Variants in FHIT observed in about 807,000 individuals in gnomAD.
FHIT encodes the protein fragile histidine triad diadenosine triphosphatase.
Under a neutral mutation model 17.9 loss-of-function variants are expected in FHIT, and 19 were observed. That is an observed-to-expected ratio of 1.06 (90% CI 0.74 to 1.56). The LOEUF is 1.56. FHIT is among the 40% of genes most tolerant of loss of function. FHIT has a pLI of 0.00. For missense variants in FHIT, 248 were observed against 189.2 expected, an observed-to-expected ratio of 1.31 and a Z score of -1.82; for synonymous variants, 81 against 69.7, an observed-to-expected ratio of 1.16 and a Z score of -0.81.
chr3:60,014,914 G>GA (rs554169887), intron 5 of FHIT, among the ~76,000 whole-genome samples: 3 of 151,864 alleles, frequency 2.0e-5, no homozygotes, highest in Non-Finnish European at 2.9e-5. Context: ...TAAGATCTGA[G>GA]AAAAAAGGAT....
At chr3:59,806,644 A>G (rs945088311) in intron 8 of FHIT, among the ~76,000 whole-genome samples, 6 of 148,972 alleles carry the variant, frequency 4.0e-5, no homozygotes, top group Non-Finnish European at 8.9e-5. Flanking sequence ...TTATATATAT[A>G]TATACATATA....
intron 5 of FHIT, among the ~76,000 whole-genome samples, chr3:60,121,630 G>A (rs953608531): frequency 1.3e-5 from 2 of 151,960 alleles, no homozygotes; most frequent in Non-Finnish European, 2.9e-5. Context: ...GTGGCAGTGA[G>A]CTGAGATCAT....
chr3:60,206,293 A>G (rs1246743918), intron 5 of FHIT, among the ~76,000 whole-genome samples: 1 of 152,026 alleles, frequency 6.6e-6, no homozygotes, highest in Non-Finnish European at 1.5e-5. Flanking sequence ...CTCTTCTAAG[A>G]TCCAGTACTT....
chr3:60,018,333 T>G (rs1448402872), intron 5 of FHIT, among the ~76,000 whole-genome samples: 5 of 152,152 alleles, frequency 3.3e-5, no homozygotes, highest in Non-Finnish European at 7.4e-5. Context: ...CACTTCCCAT[T>G]AGACCCTACC....
intron 2 of FHIT, among the ~76,000 whole-genome samples, chr3:61,047,932 C>T (rs1183806600): frequency 6.8e-6 from 1 of 147,384 alleles, no homozygotes; most frequent in African/African-American, 2.5e-5. Flanking sequence ...ATGTAGAAAG[C>T]TGAAACTGGA....
At chr3:61,054,357 A>C (rs933390745) in intron 2 of FHIT, among the ~76,000 whole-genome samples, 1 of 110,136 alleles carries the variant, frequency 9.1e-6, no homozygotes, top group South Asian at 3.1e-4. Context: ...GTAACAAATT[A>C]TCTCTTTTTT....
At chr3:61,127,742 G>C (rs1353058790) in intron 2 of FHIT, among the ~76,000 whole-genome samples, 1 of 151,848 alleles carries the variant, frequency 6.6e-6, no homozygotes, top group Non-Finnish European at 1.5e-5. Flanking sequence ...TACAGGGTGT[G>C]GCCTGTAATC....
intron 4 of FHIT, among the ~76,000 whole-genome samples, chr3:60,753,429 G>A (rs797024501): frequency 9.9e-5 from 15 of 152,178 alleles, no homozygotes; most frequent in African/African-American, 2.6e-4. Context: ...AGCAGAGGGC[G>A]GATCCACTCA....
chr3:60,850,323 T>TTCTCTCTCTCTCTC (rs3046704), intron 3 of FHIT, among the ~76,000 whole-genome samples: 34 of 120,242 alleles, frequency 2.8e-4, no homozygotes, highest in South Asian at 6.9e-4. Context: ...GTGTCTGCAC[T>TTCTCTCTCTCTCTC]TCTCTCTCTC....
intron 5 of FHIT, among the ~76,000 whole-genome samples, chr3:60,192,877 T>C (rs764733322): frequency 3.1e-4 from 47 of 152,330 alleles, no homozygotes; most frequent in Middle Eastern, 3.4e-3. Flanking sequence ...TTATAGGTTA[T>C]ATGAACTTCA....
chr3:60,593,228 T>G (rs533764633), intron 4 of FHIT, among the ~76,000 whole-genome samples: 11 of 152,280 alleles, frequency 7.2e-5, no homozygotes, highest in African/African-American at 2.6e-4. Flanking sequence ...CATACAAGAC[T>G]GCTTTTGATA....
At chr3:60,528,002 CT>C (rs2035637657) in intron 5 of FHIT, among the ~76,000 whole-genome samples, 1 of 152,248 alleles carries the variant, frequency 6.6e-6, no homozygotes. Context: ...CAGAAAGGTT[CT>C]TGCTCTGCAG....
intron 5 of FHIT, among the ~76,000 whole-genome samples, chr3:60,108,137 C>T (rs553101991): frequency 4.6e-5 from 7 of 152,198 alleles, no homozygotes; most frequent in Admixed American, 1.3e-4. Context: ...TGACTTTGAC[C>T]GTATGTGTCA....
chr3:61,171,760 T>C (rs1479846951), intron 2 of FHIT, among the ~76,000 whole-genome samples: 2 of 152,176 alleles, frequency 1.3e-5, no homozygotes, highest in Non-Finnish European at 2.9e-5. Context: ...AACCCAGCAA[T>C]CTGGGCATCA....
At chr3:59,963,701 G>A (rs973097652) in intron 7 of FHIT, among the ~76,000 whole-genome samples, 1 of 152,210 alleles carries the variant, frequency 6.6e-6, no homozygotes, top group Non-Finnish European at 1.5e-5. Context: ...TTCAGTGACT[G>A]AGTGGTGGAA....
At chr3:60,036,932 A>T (rs1245753379) in intron 5 of FHIT, among the ~76,000 whole-genome samples, 1 of 152,210 alleles carries the variant, frequency 6.6e-6, no homozygotes, top group African/African-American at 2.4e-5. Context: ...AGTCTTCACC[A>T]CTACTTCCTC....
At chr3:60,738,844 G>A (rs2042185667) in intron 4 of FHIT, among the ~76,000 whole-genome samples, 8 of 152,210 alleles carry the variant, frequency 5.3e-5, no homozygotes, top group Admixed American at 5.2e-4. Flanking sequence ...CTGGAGACCT[G>A]CGGCCCCTAA....
At chr3:59,811,121 A>G (rs1018917023) in intron 8 of FHIT, among the ~76,000 whole-genome samples, 1 of 152,194 alleles carries the variant, frequency 6.6e-6, no homozygotes, top group Non-Finnish European at 1.5e-5. Flanking sequence ...CCCAGTTACT[A>G]TGTCACATGG....
intron 5 of FHIT, among the ~76,000 whole-genome samples, chr3:60,087,847 GA>G (rs1456925923): frequency 6.6e-6 from 1 of 151,944 alleles, no homozygotes; most frequent in African/African-American, 2.4e-5. Flanking sequence ...CTTCTTCTGA[GA>G]CCTCCAAACT....
Sources: gnomAD v4.1 joint callset for allele counts (sites outside exome capture counted in the v4.1 genomes callset) on GRCh38, gnomAD v4.1.1 for gene constraint, MANE v1.5 for transcripts, NCBI Gene and HGNC (gene_info 2026-07-23, HGNC 2026-07-21) for gene names.